Variants in FGF14 observed in about 807,000 individuals in gnomAD.
FGF14 encodes fibroblast growth factor 14.
FGF14 carries 5 observed loss-of-function variants against 25.5 expected under a neutral mutation model. The observed-to-expected ratio is 0.20, with a 90% CI of 0.10 to 0.41. The LOEUF (loss-of-function observed/expected upper bound fraction) is 0.41. Among genes scored for constraint, FGF14 ranks in the 10% least tolerant of loss-of-function variants. The pLI, the probability that FGF14 is intolerant of heterozygous loss-of-function variation, is 1.00. For missense variants in FGF14, 222 were observed against 320.1 expected (o/e 0.69, Z 2.34); for synonymous variants, 138 against 118.3 (o/e 1.17, Z -1.08).
At chr13:102,076,857 T>C (rs192808637) in intron 1 of FGF14, among the ~76,000 whole-genome samples, 101 of 152,160 alleles carry the variant, frequency 6.6e-4, no homozygotes, top group African/African-American at 2.3e-3. Context: ...AGCCATCACA[T>C]TACCTGACTT....
intron 3 of FGF14, among the ~76,000 whole-genome samples, chr13:101,821,495 TATTAAG>T (rs1178266604): frequency 1.3e-5 from 2 of 152,212 alleles, no homozygotes; most frequent in Non-Finnish European, 2.9e-5. Context: ...ATAATGCTGT[TATTAAG>T]ATTATTTGTA....
At chr13:102,242,821 T>A (rs2051671483) in intron 1 of FGF14, among the ~76,000 whole-genome samples, 3 of 152,152 alleles carry the variant, frequency 2.0e-5, no homozygotes, top group African/African-American at 7.2e-5. Context: ...TAACCAATCC[T>A]GTCTTTTTAG....
intron 3 of FGF14, among the ~76,000 whole-genome samples, chr13:101,733,591 C>CAAAA (rs553475621): frequency 4.1e-5 from 4 of 97,338 alleles, no homozygotes; most frequent in Admixed American, 2.3e-4. Context: ...AAGACTCCAT[C>CAAAA]AAAAAAAAAA....
intron 1 of FGF14, among the ~76,000 whole-genome samples, chr13:102,380,768 A>T (rs1270909954): frequency 6.6e-6 from 1 of 152,216 alleles, no homozygotes; most frequent in African/African-American, 2.4e-5. Context: ...TAAGTAGACA[A>T]ATTAAAAGTA....
At chr13:101,742,579 T>A (rs754667070) in intron 3 of FGF14, among the ~76,000 whole-genome samples, 1 of 152,188 alleles carries the variant, frequency 6.6e-6, no homozygotes, top group Non-Finnish European at 1.5e-5. Flanking sequence ...TTTACCTCTA[T>A]GGAATTATTG....
chr13:102,083,071 T>A (rs949658832), intron 1 of FGF14, among the ~76,000 whole-genome samples: 8 of 152,242 alleles, frequency 5.3e-5, no homozygotes, highest in Non-Finnish European at 1.2e-4. Flanking sequence ...ACCATCCGTC[T>A]AACAAAGCCA....
intron 3 of FGF14, among the ~76,000 whole-genome samples, chr13:101,770,960 CAG>C (rs1403370145): frequency 6.6e-6 from 1 of 151,970 alleles, no homozygotes; most frequent in African/African-American, 2.4e-5. Flanking sequence ...ACAAAACACA[CAG>C]ATTTAAAATT....
intron 3 of FGF14, among the ~76,000 whole-genome samples, chr13:101,781,094 C>T (rs1299055240): frequency 1.3e-5 from 2 of 151,744 alleles, no homozygotes; most frequent in Non-Finnish European, 1.5e-5. Flanking sequence ...CCTCCCCAAG[C>T]GTCTTGCCAT....
At chr13:102,218,714 C>A (rs2050482455) in intron 1 of FGF14, among the ~76,000 whole-genome samples, 1 of 152,032 alleles carries the variant, frequency 6.6e-6, no homozygotes, top group East Asian at 1.9e-4. Flanking sequence ...CACTTAATGT[C>A]ACCACCTTGG....
At chr13:101,992,649 G>A (rs968116203) in intron 1 of FGF14, among the ~76,000 whole-genome samples, 7 of 151,942 alleles carry the variant, frequency 4.6e-5, no homozygotes, top group African/African-American at 1.7e-4. Context: ...GAATCAAAAG[G>A]AGATGCTATA....
At chr13:101,954,320 G>C (rs188367057) in intron 1 of FGF14, among the ~76,000 whole-genome samples, 10 of 152,010 alleles carry the variant, frequency 6.6e-5, no homozygotes, top group East Asian at 5.8e-4. Context: ...GGGCGGGGTG[G>C]GGGGGTGGTA....
intron 1 of FGF14, among the ~76,000 whole-genome samples, chr13:102,167,363 T>A (rs985340633): frequency 2.6e-5 from 4 of 151,166 alleles, no homozygotes; most frequent in Admixed American, 2.6e-4. Flanking sequence ...TTGCGTCTAT[T>A]GAGACAACAT....
Position 102,013,149 on chromosome 13 carries a change from T to C in FGF14, c.209-137853A>G, listed in dbSNP as rs149059065. ...CAGCCTGGATGACGGAGCAGAACCC[T>C]GTCACACACACACAAAAGAAACAAA... On this transcript the variant is annotated intron_variant, in intron 1 of 4. Transcript: ENST00000376131. 2.9e-3 allele frequency among the ~76,000 whole-genome samples: 443 copies of C among 152,058 alleles called. 2 individuals are homozygous for C. The highest frequency in any genetic ancestry group is 0.02 in the Middle Eastern group (6 of 294).
chr13:102,072,725 C>T (rs140187736), intron 1 of FGF14, among the ~76,000 whole-genome samples: 191 of 152,214 alleles, frequency 1.3e-3, no homozygotes, highest in Non-Finnish European at 2.2e-3. Flanking sequence ...TATTCATTTA[C>T]GCTTTTGTAA....
intron 1 of FGF14, among the ~76,000 whole-genome samples, chr13:102,202,436 G>C (rs895555220): frequency 4.6e-5 from 7 of 152,214 alleles, no homozygotes; most frequent in Admixed American, 3.3e-4. Context: ...TGATACTACA[G>C]AGAGAGAAGG....
At chr13:102,100,046 T>G (rs912373430) in intron 1 of FGF14, among the ~76,000 whole-genome samples, 2 of 152,190 alleles carry the variant, frequency 1.3e-5, no homozygotes, top group Non-Finnish European at 2.9e-5. Context: ...TAGGAGAAGA[T>G]AAAAGCTAGG....
chr13:101,799,332 C>T (rs986590225), intron 3 of FGF14, among the ~76,000 whole-genome samples: 12 of 152,018 alleles, frequency 7.9e-5, no homozygotes, highest in African/African-American at 1.2e-4. Context: ...TCAGTGCCTT[C>T]GTGTGACATT....
intron 1 of FGF14, among the ~76,000 whole-genome samples, chr13:102,225,252 C>A (rs564938707): frequency 6.6e-6 from 1 of 152,142 alleles, no homozygotes; most frequent in African/African-American, 2.4e-5. Context: ...TGGACAAGGC[C>A]TTGAACCCCA....
intron 1 of FGF14, among the ~76,000 whole-genome samples, chr13:101,969,063 T>C (rs2037425743): frequency 6.6e-6 from 1 of 151,994 alleles, no homozygotes; most frequent in African/African-American, 2.4e-5. Context: ...GGATGGTCAG[T>C]GGAAGGGGAG....
Sources: allele counts gnomAD v4.1 joint callset (sites outside exome capture counted in the v4.1 genomes callset), GRCh38; gene constraint gnomAD v4.1.1; transcripts MANE v1.5; gene names NCBI Gene and HGNC (gene_info 2026-07-23, HGNC 2026-07-21).